The following LIPA variants were observed in gnomAD, a reference collection of about 807,000 sequenced individuals.
LIPA encodes lipase A, lysosomal acid type, also known as lysosomal acid lipase/cholesteryl ester hydrolase.
LIPA carries 26 observed loss-of-function variants against 40.6 expected under a neutral mutation model. That is an observed-to-expected ratio of 0.64 (90% CI 0.47 to 0.89). The LOEUF is 0.89. LIPA is among the 40% of genes least tolerant of loss of function. LIPA has a pLI of 0.00. For missense variants in LIPA, 455 were observed against 479.6 expected (o/e 0.95, Z 0.48); for synonymous variants, 188 against 168.4 (o/e 1.12, Z -0.90).
At chr10:89,282,118 A>C (rs904360130) in intron 1 of LIPA, among the ~76,000 whole-genome samples, 4 of 152,200 alleles carry the variant, frequency 2.6e-5, no homozygotes, top group Admixed American at 6.5e-5. Context: ...TCAGACCTAG[A>C]CTGGTTTGCA....
At chr10:89,402,830 C>T in intron 2 of LIPA, 1 of 1,614,186 alleles carries the variant, frequency 6.2e-7, no homozygotes, top group Non-Finnish European at 8.5e-7. Context: ...CGATCTCTGC[C>T]TATCGCCTGG....
intron 1 of LIPA, among the ~76,000 whole-genome samples, chr10:89,262,842 T>G (rs1843218084): frequency 6.6e-6 from 1 of 152,256 alleles, no homozygotes; most frequent in Non-Finnish European, 1.5e-5. Flanking sequence ...TCCTCACATT[T>G]CCTCAGAAAT....
chr10:89,261,432 G>A (rs1843207095), intron 1 of LIPA, among the ~76,000 whole-genome samples: 1 of 152,190 alleles, frequency 6.6e-6, no homozygotes, highest in Admixed American at 6.5e-5. Flanking sequence ...TTGAACCCGG[G>A]AGGAGGAGGT....
intron 1 of LIPA, chr10:89,306,238 G>A (rs1215687823): frequency 5.0e-6 from 8 of 1,614,112 alleles, no homozygotes; most frequent in Non-Finnish European, 6.8e-6. Context: ...TCAGAAGTCT[G>A]GTCACCTGGG....
At chr10:89,383,271 G>C (rs1844176723) in intron 2 of LIPA, 2 of 1,501,414 alleles carry the variant, frequency 1.3e-6, no homozygotes, top group Admixed American at 1.9e-5. Context: ...ATTTTCAGTG[G>C]ACTGAATACT....
At chr10:89,218,771 A>G (rs2133418699) in intron 8 of LIPA, among the ~76,000 whole-genome samples, 1 of 152,324 alleles carries the variant, frequency 6.6e-6, no homozygotes, top group African/African-American at 2.4e-5. Flanking sequence ...AACACAGCCA[A>G]AACCCCCTCT....
At chr10:89,370,911 G>A (rs763538080) in intron 2 of LIPA, among the ~76,000 whole-genome samples, 10 of 152,222 alleles carry the variant, frequency 6.6e-5, no homozygotes, top group Non-Finnish European at 8.8e-5. Context: ...CCAGCTACTC[G>A]GGAGGCTGAG....
At chr10:89,247,797 T>C (rs532284398) in intron 1 of LIPA, 148 bp from the exon 2 acceptor site, 81 of 499,944 alleles carry the variant, frequency 1.6e-4, no homozygotes, top group Admixed American at 3.7e-4. Flanking sequence ...ACTCCAGCCA[T>C]ATCTGAAAGG....
At chr10:89,243,171 G>A (rs865980357) in intron 3 of LIPA, among the ~76,000 whole-genome samples, 1 of 152,176 alleles carries the variant, frequency 6.6e-6, no homozygotes, top group Admixed American at 6.5e-5. Flanking sequence ...TTTAAACACC[G>A]GAAATAACAC....
At chr10:89,312,547 A>G (rs550085544) in intron 1 of LIPA, among the ~76,000 whole-genome samples, 2 of 152,212 alleles carry the variant, frequency 1.3e-5, no homozygotes, top group African/African-American at 4.8e-5. Context: ...TCAAGTCAAT[A>G]TCCATTACCA....
intron 1 of LIPA, among the ~76,000 whole-genome samples, chr10:89,294,992 A>G (rs1843403711): frequency 6.6e-6 from 1 of 150,504 alleles, no homozygotes; most frequent in Non-Finnish European, 1.5e-5. Flanking sequence ...GAAAAAAGAA[A>G]AAAAGGAAGA....
At chr10:89,353,463 A>T (rs1250515311) in intron 2 of LIPA, among the ~76,000 whole-genome samples, 1 of 152,236 alleles carries the variant, frequency 6.6e-6, no homozygotes, top group Non-Finnish European at 1.5e-5. Flanking sequence ...GGGAAGAAAC[A>T]GGGGAGAAAT....
At chr10:89,399,646 T>C (rs574209291) in intron 2 of LIPA, among the ~76,000 whole-genome samples, 1 of 152,284 alleles carries the variant, frequency 6.6e-6, no homozygotes, top group East Asian at 1.9e-4. Context: ...CATTAGATGG[T>C]CTTGTCATTC....
At chr10:89,297,779 AG>A (rs748731899) in intron 1 of LIPA, among the ~76,000 whole-genome samples, 99 of 152,322 alleles carry the variant, frequency 6.5e-4, no homozygotes, top group Non-Finnish European at 1.2e-3. Context: ...TAGAGAGCAG[AG>A]CCCCTTCTTG....
At chr10:89,329,253 T>C (rs1843626940) in intron 1 of LIPA, among the ~76,000 whole-genome samples, 1 of 152,078 alleles carries the variant, frequency 6.6e-6, no homozygotes, top group Non-Finnish European at 1.5e-5. Context: ...TGTTTGGGGA[T>C]GAGATGGGTA....
chr10:89,259,138 A>G (rs555009553), intron 1 of LIPA, among the ~76,000 whole-genome samples: 2 of 152,352 alleles, frequency 1.3e-5, no homozygotes, highest in South Asian at 4.1e-4. Flanking sequence ...CTGCAAATAT[A>G]CTGAATGCCA....
At chr10:89,393,368 C>T in intron 2 of LIPA, 1 of 1,114,216 alleles carries the variant, frequency 9.0e-7, no homozygotes, top group Non-Finnish European at 1.2e-6. Flanking sequence ...AGATGATCCA[C>T]ATCTGCTTGG....
At chr10:89,252,414 T>C (rs1450151529), upstream of LIPA, among the ~76,000 whole-genome samples, 2 of 152,232 alleles carry the variant, frequency 1.3e-5, no homozygotes, top group Admixed American at 6.5e-5. Flanking sequence ...CTCTTGTATA[T>C]ATTCTGATGG....
At chr10:89,261,285 TA>T (rs2133486464) in intron 1 of LIPA, among the ~76,000 whole-genome samples, 1 of 152,274 alleles carries the variant, frequency 6.6e-6, no homozygotes, top group East Asian at 1.9e-4. Context: ...AGTCAACAGT[TA>T]AAAATCAGAA....
Sources: gnomAD v4.1 joint callset for allele counts (sites outside exome capture counted in the v4.1 genomes callset) on GRCh38, gnomAD v4.1.1 for gene constraint, MANE v1.5 for transcripts, NCBI Gene and HGNC (gene_info 2026-07-23, HGNC 2026-07-21) for gene names.